The following SPG11 variants were observed in gnomAD, a reference collection of about 807,000 sequenced individuals.
The protein encoded by SPG11 is SPG11 vesicle trafficking associated, spatacsin.
SPG11 carries 222 observed loss-of-function variants against 274.0 expected under a neutral mutation model. The ratio of observed to expected loss-of-function variants is 0.81; its 90% CI spans 0.73 to 0.91. The LOEUF (loss-of-function observed/expected upper bound fraction) is 0.91, where lower values mean the gene tolerates loss of function less well. SPG11 is among the 40% of genes least tolerant of loss of function. The probability of loss-of-function intolerance (pLI) is 0.00; values close to 1 mark genes in which losing one functional copy is unlikely to be tolerated. For synonymous variants in SPG11, 1,144 were observed against 1,039.7 expected (o/e 1.10, Z -1.93); for missense variants, 3,114 against 2,872.7 (o/e 1.08, Z -1.92).
intron 7 of SPG11, among the ~76,000 whole-genome samples, chr15:44,647,573 T>C (rs556446307): frequency 6.6e-6 from 1 of 152,298 alleles, no homozygotes; most frequent in East Asian, 1.9e-4. Context: ...TACAATGGAA[T>C]ATTCAGCCAT....
At chr15:44,621,484 ATT>A (rs2083749361) in intron 14 of SPG11, 1 of 420,326 alleles carries the variant, frequency 2.4e-6, no homozygotes, top group Non-Finnish European at 4.4e-6. Context: ...GCTCAAGACT[ATT>A]TGAAAAAACA....
chr15:44,663,397 A>T lies in SPG11; in HGVS notation c.251T>A (p.Phe84Tyr). ...ACTCTCCCTCAGCACTTACTGCCAG[A>T]AGGGGCCCTCCAGGCAGCAGCGACC... ...GGGRCCLEGP[F>Y]WHFLWEDSRN... The change falls in exon 1 of 40, where the codon TTC becomes TAC. Residue 84 changes from phenylalanine to tyrosine, a missense_variant. Phe to Tyr is a conservative substitution (Grantham distance 22, BLOSUM62 3). Transcript: ENST00000261866. 2 of 1,607,796 alleles carry T rather than the reference A, an allele frequency of 1.2e-6. No individual in the cohort carries two copies. Among genetic ancestry groups the T allele is most frequent in the East Asian group, 4.5e-5 (2 of 44,528 alleles).
intron 7 of SPG11, among the ~76,000 whole-genome samples, chr15:44,638,813 T>C (rs1157522195): frequency 6.6e-6 from 1 of 152,036 alleles, no homozygotes; most frequent in Admixed American, 6.5e-5. Context: ...CTGGCCAACA[T>C]GGGGAAACCC....
intron 3 of SPG11, among the ~76,000 whole-genome samples, 160 bp from the exon 4 acceptor site, chr15:44,657,456 A>T (rs1413984591): frequency 6.6e-6 from 1 of 152,184 alleles, no homozygotes; most frequent in African/African-American, 2.4e-5. Flanking sequence ...CAACCAGATG[A>T]CTATGAAGTT....
chr15:44,569,349 G>C, intron 35 of SPG11, 49 bp downstream of exon 35: 3 of 1,328,282 alleles, frequency 2.3e-6, no homozygotes, highest in Non-Finnish European at 3.2e-6. Flanking sequence ...TGAGGCTCCT[G>C]AATTATCAGC....
rs2082221211 is a variant in SPG11 at position 44,562,890 on chromosome 15, C to CTT, written c.*230_*231insAA. 3.9e-6 allele frequency: 2 copies of CTT among 517,946 alleles called. No homozygotes were observed. Among genetic ancestry groups the CTT allele is most frequent in the East Asian group, 6.8e-5 (2 of 29,498 alleles). 32.1% of individuals were successfully genotyped at this position (517,946 alleles called of 1,614,324 possible). A position where few individuals can be genotyped will look rare whatever the true frequency, so the allele number is the denominator to read the frequency against. On this transcript the variant is annotated 3_prime_UTR_variant, in exon 40 of 40. Coordinates refer to ENST00000261866, the MANE Select transcript of SPG11 (RefSeq NM_025137.4). ...GAAGAGGAAGCTTTTGATCTTAATA[C>CTT]TAGTATCTATATAAAATGGTGTGGA...
chr15:44,659,442 C>A, intron 2 of SPG11, 139 bp from the exon 3 acceptor site: 2 of 738,472 alleles, frequency 2.7e-6, no homozygotes, highest in Non-Finnish European at 4.6e-6. Context: ...TTATCGTTCA[C>A]ACCCACCTAA....
chr15:44,598,811 A>AG lies in SPG11; in HGVS notation c.3711dup (p.Tyr1238LeufsTer27), dbSNP rs750663981. On this transcript the variant is annotated frameshift_variant, in exon 22 of 40. Transcript: ENST00000261866. LOFTEE classifies it high-confidence loss of function. Reference sequence around the variant, plus strand: ...TGGAAGGAGGAGAGCCCTATAACATAGGCTTCATTGCCTACTTGCTGGATC... The same window carrying AG: ...TGGAAGGAGGAGAGCCCTATAACATAGGGCTTCATTGCCTACTTGCTGGATC... 2.4e-5 allele frequency: 39 copies of AG among 1,614,106 alleles called. No individual in the cohort carries two copies. The highest frequency in any genetic ancestry group is 8.0e-5 in the African/African-American group (6 of 74,948).
chr15:44,628,205 T>G (rs2083957427), intron 10 of SPG11, among the ~76,000 whole-genome samples: 1 of 152,226 alleles, frequency 6.6e-6, no homozygotes, highest in Non-Finnish European at 1.5e-5. Context: ...CAAATTTAAC[T>G]GGCAAAATGT....
chr15:44,578,583 C>G (rs933852237), intron 30 of SPG11, among the ~76,000 whole-genome samples: 5 of 152,118 alleles, frequency 3.3e-5, no homozygotes, highest in African/African-American at 9.7e-5. Flanking sequence ...ACAGGGCTCA[C>G]TCCTGGACTA....
chr15:44,619,284 T>C (rs2083674234), intron 15 of SPG11, among the ~76,000 whole-genome samples: 1 of 152,216 alleles, frequency 6.6e-6, no homozygotes, highest in Non-Finnish European at 1.5e-5. Context: ...TTTAAGAAAC[T>C]TAACATACAT....
chr15:44,624,697 CTA>C (rs1206303989), intron 11 of SPG11, among the ~76,000 whole-genome samples: 2 of 152,120 alleles, frequency 1.3e-5, no homozygotes, highest in Non-Finnish European at 2.9e-5. Flanking sequence ...ACACACATAA[CTA>C]TGTGAGGTGA....
intron 18 of SPG11, among the ~76,000 whole-genome samples, chr15:44,609,637 T>C (rs2083408221): frequency 1.3e-5 from 2 of 152,146 alleles, no homozygotes; most frequent in East Asian, 3.9e-4. Context: ...CAGATCCTAA[T>C]TGTATTCTGA....
rs1329846812 is a variant in SPG11, at chr15:44,569,417, A to C, written c.6566T>G (p.Met2189Arg). 6.2e-7 allele frequency: 1 copy of C among 1,604,520 alleles called. No homozygotes were observed. Among genetic ancestry groups the C allele is most frequent in the Non-Finnish European group, 8.5e-7 (1 of 1,174,698 alleles). Residue 2189 changes from methionine to arginine, a missense_variant, in exon 35 of 40, where the codon ATG (methionine) becomes AGG (arginine). Coordinates refer to ENST00000261866, the MANE Select transcript of SPG11 (RefSeq NM_025137.4). ...ACCTACCGGATCCAACTTCTTCCTC[A>C]TTAGCACTTCAAAGTAGTGCTTTTT... Reference protein sequence around the residue: ...LHKKHYFEVLMRKKLDPSGTL... With the variant: ...LHKKHYFEVLRRKKLDPSGTL...
intron 20 of SPG11, among the ~76,000 whole-genome samples, chr15:44,603,339 C>T (rs2083242951): frequency 1.3e-5 from 2 of 152,148 alleles, no homozygotes; most frequent in Admixed American, 1.3e-4. Context: ...GCAATCCTTC[C>T]ACCTCAGCTT....
At chr15:44,564,026 ACT>A (rs1338782951) in intron 39 of SPG11, among the ~76,000 whole-genome samples, 2 of 151,636 alleles carry the variant, frequency 1.3e-5, no homozygotes, top group Non-Finnish European at 2.9e-5. Flanking sequence ...CAAGAGTCAC[ACT>A]CTGTTGCCAG....
intron 6 of SPG11, among the ~76,000 whole-genome samples, chr15:44,650,743 GA>G (rs2084747434): frequency 6.6e-6 from 1 of 152,064 alleles, no homozygotes; most frequent in African/African-American, 2.4e-5. Flanking sequence ...AGTGTTGCCA[GA>G]TCTTACAATT....
chr15:44,623,565 G>A (rs1231925813), intron 11 of SPG11, among the ~76,000 whole-genome samples: 1 of 147,906 alleles, frequency 6.8e-6, no homozygotes, highest in Non-Finnish European at 1.5e-5. Flanking sequence ...TAAAACCACA[G>A]AGCATAAAGC....
intron 21 of SPG11, among the ~76,000 whole-genome samples, chr15:44,599,078 A>G (rs1050579526): frequency 4.6e-5 from 7 of 152,172 alleles, no homozygotes; most frequent in African/African-American, 1.7e-4. Flanking sequence ...GTCATAGTCT[A>G]AACTATTCTT....
Sources: gnomAD v4.1 joint callset for allele counts (sites outside exome capture counted in the v4.1 genomes callset) on GRCh38, gnomAD v4.1.1 for gene constraint, MANE v1.5 for transcripts, NCBI Gene and HGNC (gene_info 2026-07-23, HGNC 2026-07-21) for gene names.